Variants in PCDH15 observed in about 807,000 individuals in gnomAD.
PCDH15 encodes the protein protocadherin related 15.
A neutral mutation model predicts 178.5 loss-of-function variants in PCDH15; 129 were observed. The ratio of observed to expected loss-of-function variants is 0.72; its 90% CI spans 0.63 to 0.84. The LOEUF (loss-of-function observed/expected upper bound fraction) is 0.84, where lower values mean the gene tolerates loss of function less well. Ranked by LOEUF, PCDH15 falls within the 40% of genes least tolerant of loss-of-function variation. The pLI, the probability that PCDH15 is intolerant of heterozygous loss-of-function variation, is 0.00. For missense variants in PCDH15, 2,230 were observed against 2,099.9 expected, an observed-to-expected ratio of 1.06 and a Z score of -1.21; for synonymous variants, 800 against 732.0, an observed-to-expected ratio of 1.09 and a Z score of -1.50.
intron 26 of PCDH15, among the ~76,000 whole-genome samples, chr10:53,902,396 C>T (rs11003924): frequency 0.23 from 34,350 of 151,972 alleles, 5,901 homozygotes; most frequent in African/African-American, 0.47. Flanking sequence ...ATGTGCAAAA[C>T]TAGAAGCAAT....
At chr10:54,352,024 C>T (rs1944263752) in intron 5 of PCDH15, among the ~76,000 whole-genome samples, 1 of 152,082 alleles carries the variant, frequency 6.6e-6, no homozygotes, top group Admixed American at 6.6e-5. Context: ...TTGTGTTGTA[C>T]ATATATATTT....
At chr10:53,865,104 GCAA>G (rs1564635947) in intron 27 of PCDH15, among the ~76,000 whole-genome samples, 1 of 152,008 alleles carries the variant, frequency 6.6e-6, no homozygotes, top group East Asian at 1.9e-4. Flanking sequence ...TTGTTTCTTA[GCAA>G]CAACAACAAC....
intron 2 of PCDH15, among the ~76,000 whole-genome samples, chr10:55,074,967 C>T (rs145102141): frequency 7.0e-4 from 107 of 152,082 alleles, no homozygotes; most frequent in African/African-American, 2.3e-3. Context: ...ATTTATTAAA[C>T]GGGGAATGCT....
rs1410944616 is a variant in PCDH15 at position 54,195,760 on chromosome 10, C to A, written c.1228G>T (p.Val410Leu). The A allele has an allele frequency of 2.5e-6, 4 of 1,614,004 alleles. No homozygotes were observed. Among genetic ancestry groups the A allele is most frequent in the Non-Finnish European group, 3.4e-6 (4 of 1,180,004 alleles). ...YQGYILESAP[V>L]GATISDSLNL... Reference sequence around the variant, plus strand: ...AGACTGTCCGAAATGGTTGCTCCCACTGGGGCAGATTCCAGGATATAGCCT... The same window carrying A: ...AGACTGTCCGAAATGGTTGCTCCCAATGGGGCAGATTCCAGGATATAGCCT... Residue 410 changes from valine (V) to leucine (L), a missense_variant, in exon 11 of 38, where the codon GTG (valine) becomes TTG (leucine). Physicochemically the swap from Val to Leu is conservative, Grantham distance 32. Coordinates refer to ENST00000644397, the MANE Select transcript of PCDH15 (RefSeq NM_001384140.1).
chr10:54,291,022 G>T (rs904371592), intron 8 of PCDH15, among the ~76,000 whole-genome samples: 1 of 151,658 alleles, frequency 6.6e-6, no homozygotes, highest in Non-Finnish European at 1.5e-5. Flanking sequence ...TCCAGGACTT[G>T]AACTCATTCA....
intron 1 of PCDH15, among the ~76,000 whole-genome samples, chr10:55,207,505 A>G (rs1473331014): frequency 6.6e-6 from 1 of 152,146 alleles, no homozygotes; most frequent in East Asian, 1.9e-4. Flanking sequence ...AGTAGTCTTA[A>G]TGCCGAATTT....
At chr10:55,403,148 T>G (rs1295208955) in intron 2 of PCDH15, among the ~76,000 whole-genome samples, 2 of 152,054 alleles carry the variant, frequency 1.3e-5, no homozygotes, top group African/African-American at 4.8e-5. Flanking sequence ...TGCCTTCTTT[T>G]GAAGAATACC....
At chr10:54,148,629 C>T (rs982543430) in intron 14 of PCDH15, among the ~76,000 whole-genome samples, 3 of 151,814 alleles carry the variant, frequency 2.0e-5, no homozygotes, top group South Asian at 4.2e-4. Flanking sequence ...TAAGTTTGGC[C>T]ACATCCAACT....
intron 1 of PCDH15, among the ~76,000 whole-genome samples, chr10:54,773,949 A>G (rs749047926): frequency 1.4e-5 from 2 of 142,130 alleles, no homozygotes; most frequent in African/African-American, 5.3e-5. Flanking sequence ...GTTACTTAAC[A>G]TTTGCTGCTT....
chr10:54,584,089 A>T (rs1273027765), intron 2 of PCDH15, among the ~76,000 whole-genome samples: 1 of 152,146 alleles, frequency 6.6e-6, no homozygotes, highest in Non-Finnish European at 1.5e-5. Flanking sequence ...TCATTATTAC[A>T]TAATATATTA....
intron 1 of PCDH15, among the ~76,000 whole-genome samples, chr10:55,317,269 A>C (rs1029073564): frequency 6.6e-5 from 10 of 152,212 alleles, no homozygotes; most frequent in African/African-American, 2.2e-4. Context: ...GCAATGATTC[A>C]ATAAATGCTA....
At chr10:55,461,399 A>G (rs953358894) in intron 2 of PCDH15, among the ~76,000 whole-genome samples, 2 of 152,166 alleles carry the variant, frequency 1.3e-5, no homozygotes, top group Non-Finnish European at 2.9e-5. Flanking sequence ...GTATTTAAAT[A>G]TTCCTCTACC....
At chr10:55,427,930 A>G (rs544982319) in intron 2 of PCDH15, among the ~76,000 whole-genome samples, 1 of 152,130 alleles carries the variant, frequency 6.6e-6, no homozygotes, top group Non-Finnish European at 1.5e-5. Context: ...GTTATGATCT[A>G]TTTAAAGAAA....
chr10:55,577,159 T>C (rs1412381889), intron 2 of PCDH15, among the ~76,000 whole-genome samples: 1 of 152,102 alleles, frequency 6.6e-6, no homozygotes, highest in Non-Finnish European at 1.5e-5. Flanking sequence ...GAAAAATTAT[T>C]TGAACCCAGG....
At chr10:54,263,349 A>C (rs1008943992) in intron 8 of PCDH15, among the ~76,000 whole-genome samples, 1 of 152,198 alleles carries the variant, frequency 6.6e-6, no homozygotes, top group African/African-American at 2.4e-5. Context: ...ACCAAGGCCC[A>C]GAACCAGACT....
intron 32 of PCDH15, chr10:53,821,316 T>C: frequency 1.0e-6 from 1 of 987,484 alleles, no homozygotes; most frequent in Non-Finnish European, 1.2e-6. Flanking sequence ...TGAGATTTAT[T>C]TTGAAATACC....
At chr10:55,467,839 A>G (rs1839865072) in intron 2 of PCDH15, among the ~76,000 whole-genome samples, 2 of 151,278 alleles carry the variant, frequency 1.3e-5, no homozygotes, top group Non-Finnish European at 3.0e-5. Context: ...GGAGGCGGGC[A>G]CCTGTAGTCC....
chr10:54,586,222 G>A (rs1439447445), intron 2 of PCDH15, among the ~76,000 whole-genome samples: 1 of 152,094 alleles, frequency 6.6e-6, no homozygotes, highest in Non-Finnish European at 1.5e-5. Context: ...GATTTTGACA[G>A]ATTAAAAAGT....
intron 2 of PCDH15, among the ~76,000 whole-genome samples, chr10:54,916,487 T>C (rs2086050210): frequency 6.6e-6 from 1 of 152,208 alleles, no homozygotes; most frequent in South Asian, 2.1e-4. Context: ...CTATCAAATC[T>C]ATTGTTTGCT....
Sources: allele counts gnomAD v4.1 joint callset (sites outside exome capture counted in the v4.1 genomes callset), GRCh38; gene constraint gnomAD v4.1.1; transcripts MANE v1.5; gene names NCBI Gene and HGNC (gene_info 2026-07-23, HGNC 2026-07-21).